GBE1: variants seen among roughly 807,000 people sequenced by gnomAD.
The protein encoded by GBE1 is 1,4-alpha-glucan-branching enzyme.
A neutral mutation model predicts 88.8 loss-of-function variants in GBE1; 70 were observed. The ratio of observed to expected loss-of-function variants is 0.79; its 90% CI spans 0.65 to 0.96. The LOEUF (loss-of-function observed/expected upper bound fraction) is 0.96. Ranked by LOEUF, GBE1 falls within the 40% of genes least tolerant of loss-of-function variation. The pLI is 0.00. For missense variants in GBE1, 872 were observed against 871.0 expected, an observed-to-expected ratio of 1.00 and a Z score of -0.01; for synonymous variants, 284 against 300.1, an observed-to-expected ratio of 0.95 and a Z score of 0.56.
chr3:81,535,393 T>C (rs2106869846), intron 13 of GBE1, 68 bp from the exon 14 acceptor site: 1 of 1,468,858 alleles, frequency 6.8e-7, no homozygotes, highest in Non-Finnish European at 9.1e-7. Flanking sequence ...CATTATTTTT[T>C]GTCTTTCTTA....
intron 12 of GBE1, among the ~76,000 whole-genome samples, chr3:81,550,272 CT>C (rs1377612487): frequency 6.6e-6 from 1 of 151,382 alleles, no homozygotes; most frequent in East Asian, 1.9e-4. Context: ...CAGATATCAC[CT>C]TTTTTTCAGC....
intron 11 of GBE1, among the ~76,000 whole-genome samples, chr3:81,579,555 A>T (rs926909601): frequency 1.3e-5 from 2 of 152,118 alleles, no homozygotes; most frequent in African/African-American, 4.8e-5. Context: ...ATATGCTGGG[A>T]ATTCACTATG....
intron 1 of GBE1, among the ~76,000 whole-genome samples, chr3:81,722,139 G>A (rs915542394): frequency 1.8e-4 from 27 of 152,094 alleles, no homozygotes; most frequent in Admixed American, 1.1e-3. Context: ...AAACTTAGCC[G>A]TTAGAATTAA....
intron 1 of GBE1, among the ~76,000 whole-genome samples, chr3:81,750,593 ATATATATG>A (rs767392965): frequency 0.19 from 11,447 of 60,060 alleles, 2,089 homozygotes; most frequent in East Asian, 0.47. Context: ...ATATACGTAT[ATATATATG>A]TGTATATATA....
At chr3:81,691,169 A>C (rs1705513439) in intron 2 of GBE1, among the ~76,000 whole-genome samples, 1 of 152,138 alleles carries the variant, frequency 6.6e-6, no homozygotes, top group African/African-American at 2.4e-5. Flanking sequence ...AGCCTCTGAA[A>C]GTGAATGAAT....
chr3:81,673,701 C>T (rs1468167771), intron 2 of GBE1, among the ~76,000 whole-genome samples: 3 of 151,808 alleles, frequency 2.0e-5, no homozygotes, highest in African/African-American at 4.8e-5. Flanking sequence ...TTAACTATGT[C>T]GCATTTTTCT....
chr3:81,591,256 A>T, intron 8 of GBE1, 92 bp from the exon 9 acceptor site: 1 of 1,018,644 alleles, frequency 9.8e-7, no homozygotes. Context: ...TGTTTATATG[A>T]ATTTTGTTAT....
chr3:81,604,928 A>T (rs2106976545), intron 7 of GBE1, among the ~76,000 whole-genome samples: 1 of 152,222 alleles, frequency 6.6e-6, no homozygotes, highest in Admixed American at 6.5e-5. Flanking sequence ...TTCACTGATC[A>T]TCTTTCCGTA....
intron 1 of GBE1, among the ~76,000 whole-genome samples, chr3:81,739,372 T>C (rs1706316799): frequency 6.6e-6 from 1 of 152,186 alleles, no homozygotes; most frequent in Non-Finnish European, 1.5e-5. Flanking sequence ...TTAAAACTTC[T>C]AACTGTGTGA....
chr3:81,700,508 A>T (rs917795514), intron 2 of GBE1, among the ~76,000 whole-genome samples: 1 of 152,206 alleles, frequency 6.6e-6, no homozygotes, highest in African/African-American at 2.4e-5. Flanking sequence ...AAATAAAATG[A>T]CCCTGCCAAA....
chr3:81,701,480 G>A (rs1407053589), intron 2 of GBE1, among the ~76,000 whole-genome samples: 1 of 151,482 alleles, frequency 6.6e-6, no homozygotes, highest in Admixed American at 6.6e-5. Flanking sequence ...GTAATTTTCT[G>A]AAATAAATAA....
intron 5 of GBE1, among the ~76,000 whole-genome samples, chr3:81,647,851 T>G (rs1396341138): frequency 6.6e-6 from 1 of 152,140 alleles, no homozygotes; most frequent in East Asian, 1.9e-4. Flanking sequence ...CATTAATCAT[T>G]CCTGGATTCA....
chr3:81,510,276 C>G (rs960750087), intron 14 of GBE1, among the ~76,000 whole-genome samples: 37 of 152,092 alleles, frequency 2.4e-4, no homozygotes, highest in African/African-American at 8.7e-4. Context: ...TATTTAAAAT[C>G]TGGAAATCTG....
At chr3:81,574,737 T>A (rs897213484) in intron 12 of GBE1, among the ~76,000 whole-genome samples, 1 of 152,200 alleles carries the variant, frequency 6.6e-6, no homozygotes, top group African/African-American at 2.4e-5. Flanking sequence ...AAAATGGACT[T>A]AGAATGTCTA....
intron 12 of GBE1, among the ~76,000 whole-genome samples, chr3:81,575,768 G>T (rs944786109): frequency 3.3e-5 from 5 of 151,882 alleles, no homozygotes; most frequent in Admixed American, 2.0e-4. Flanking sequence ...ACTAAAACTG[G>T]TTATTGCAGC....
chr3:81,563,986 G>A (rs897913630), intron 12 of GBE1, among the ~76,000 whole-genome samples: 1 of 151,740 alleles, frequency 6.6e-6, no homozygotes, highest in African/African-American at 2.4e-5. Context: ...AGGAAGGATT[G>A]TTATGGTTTA....
intron 14 of GBE1, among the ~76,000 whole-genome samples, chr3:81,501,272 CAG>C (rs1349701556): frequency 2.0e-5 from 3 of 152,148 alleles, no homozygotes; most frequent in Non-Finnish European, 4.4e-5. Flanking sequence ...TGATGGAAGA[CAG>C]GGGTTATTTT....
At chr3:81,696,269 C>A (rs923325553) in intron 2 of GBE1, among the ~76,000 whole-genome samples, 1 of 152,148 alleles carries the variant, frequency 6.6e-6, no homozygotes, top group African/African-American at 2.4e-5. Flanking sequence ...CTTGGATGAG[C>A]AAAAACAATG....
chr3:81,545,804 T>A (rs906695771), intron 12 of GBE1, among the ~76,000 whole-genome samples: 1 of 152,102 alleles, frequency 6.6e-6, no homozygotes, highest in African/African-American at 2.4e-5. Flanking sequence ...CATGATGAAA[T>A]CTTGTGACGT....
Sources: gnomAD v4.1 joint callset for allele counts (sites outside exome capture counted in the v4.1 genomes callset) on GRCh38, gnomAD v4.1.1 for gene constraint, MANE v1.5 for transcripts, NCBI Gene and HGNC (gene_info 2026-07-23, HGNC 2026-07-21) for gene names.